Variants in RASSF4 observed in about 807,000 individuals in gnomAD.
The protein encoded by RASSF4 is ras association domain-containing protein 4.
Under a neutral mutation model 41.1 loss-of-function variants are expected in RASSF4, and 38 were observed. The ratio of observed to expected loss-of-function variants is 0.92; its 90% CI spans 0.71 to 1.21. The LOEUF (loss-of-function observed/expected upper bound fraction) is 1.21. Among genes scored for constraint, RASSF4 ranks in the 50% most tolerant of loss-of-function variants. RASSF4 has a pLI of 0.00. For missense variants in RASSF4, 414 were observed against 419.4 expected, an observed-to-expected ratio of 0.99 and a Z score of 0.11; for synonymous variants, 179 against 163.4, an observed-to-expected ratio of 1.10 and a Z score of -0.73.
chr10:44,990,016 G>A (rs1406719511), intron 8 of RASSF4, among the ~76,000 whole-genome samples: 1 of 152,200 alleles, frequency 6.6e-6, no homozygotes, highest in Non-Finnish European at 1.5e-5. Context: ...AATTCTTTCA[G>A]GATTCTGAAG....
chr10:44,988,727 G>A (rs1326784531), intron 6 of RASSF4, among the ~76,000 whole-genome samples: 3 of 152,236 alleles, frequency 2.0e-5, no homozygotes, highest in Non-Finnish European at 4.4e-5. Context: ...GAGACTGTAT[G>A]GATGCAGCTG....
intron 7 of RASSF4, 121 bp downstream of exon 7, chr10:44,989,496 G>A: frequency 3.2e-6 from 3 of 938,168 alleles, no homozygotes; most frequent in Non-Finnish European, 5.1e-6. Context: ...TCTAGCAAGG[G>A]TCCCTCTGCT....
intron 3 of RASSF4, chr10:44,977,226 A>C: frequency 1.2e-6 from 1 of 805,210 alleles, no homozygotes; most frequent in Non-Finnish European, 1.9e-6. Flanking sequence ...ACAGGCTGTT[A>C]TCATATTCAG....
chr10:44,975,830 C>G (rs3740097), intron 3 of RASSF4, among the ~76,000 whole-genome samples: 76,720 of 151,216 alleles, frequency 0.51, 21,851 homozygotes, highest in Non-Finnish European at 0.64. Flanking sequence ...TCTCCTCAAA[C>G]TGCCAGACCT....
In RASSF4 at chr10:44,984,712, C is replaced by A. The variant is rs374948086; in HGVS notation, c.374-101C>A. On this transcript the variant is annotated intron_variant, in intron 5 of 10. Transcript: ENST00000340258. ...CCTCACGTCCCCATCTGCCCCAGTG[C>A]ACGTGACCACAGGGCTCTAGGGTGC... is the stretch of plus-strand genomic sequence containing the variant. 7.6e-6 allele frequency: 10 copies of A among 1,316,816 alleles called. No individual in the cohort carries two copies. In the African/African-American group the frequency reaches 1.2e-4, roughly 15 times the overall value. 81.6% of individuals were successfully genotyped at this position (1,316,816 alleles called of 1,614,324 possible). A position where few individuals can be genotyped will look rare whatever the true frequency, so the allele number is the denominator to read the frequency against.
chr10:44,975,673 G>C (rs531354121), intron 3 of RASSF4, among the ~76,000 whole-genome samples: 108 of 149,130 alleles, frequency 7.2e-4, no homozygotes, highest in African/African-American at 2.6e-3. Context: ...GAAGGGAAAG[G>C]AATTCCCCTG....
intron 3 of RASSF4, 124 bp downstream of exon 3, chr10:44,971,972 A>G (rs1423918894): frequency 1.1e-5 from 7 of 657,932 alleles, no homozygotes; most frequent in Non-Finnish European, 1.6e-5. Flanking sequence ...TAGTTTGGAC[A>G]ATAAGTTATA....
At chr10:44,982,131 G>A (rs1588833346) in intron 3 of RASSF4, 12 of 276,372 alleles carry the variant, frequency 4.3e-5, no homozygotes, top group South Asian at 4.0e-4. Context: ...ACCTGGTGGC[G>A]CAGGACCCCC....
chr10:44,990,745 T>C, intron 8 of RASSF4: 1 of 480,572 alleles, frequency 2.1e-6, no homozygotes, highest in East Asian at 3.1e-5. Flanking sequence ...ACTTAATCCT[T>C]ATGCCAAAGT....
intron 1 of RASSF4, among the ~76,000 whole-genome samples, chr10:44,961,385 T>C (rs1840703446): frequency 6.6e-6 from 1 of 152,122 alleles, no homozygotes; most frequent in Admixed American, 6.6e-5. Flanking sequence ...TGAACGAAAC[T>C]TGGGTGTGTG....
At chr10:44,988,408 T>C (rs1461427238) in intron 6 of RASSF4, among the ~76,000 whole-genome samples, 1 of 152,232 alleles carries the variant, frequency 6.6e-6, no homozygotes, top group African/African-American at 2.4e-5. Flanking sequence ...ATTTCATATA[T>C]GGTGTCTCTT....
chr10:44,976,527 C>G (rs1472256832), intron 3 of RASSF4: 2 of 152,592 alleles, frequency 1.3e-5, no homozygotes, highest in Non-Finnish European at 2.9e-5. Context: ...GATTCCCGTT[C>G]CCTGATGCCT....
intron 6 of RASSF4, among the ~76,000 whole-genome samples, chr10:44,985,277 T>C (rs1236808863): frequency 6.6e-6 from 1 of 152,122 alleles, no homozygotes; most frequent in African/African-American, 2.4e-5. Flanking sequence ...CCGAACTCGA[T>C]TGGTTGATCC....
At chr10:44,968,994 T>TTGTGTATG (rs1292339005) in intron 1 of RASSF4, among the ~76,000 whole-genome samples, 1 of 150,378 alleles carries the variant, frequency 6.6e-6, no homozygotes, top group East Asian at 1.9e-4. Context: ...TTGTGAGTGT[T>TTGTGTATG]TGTGTATGTG....
chr10:44,982,954 C>A, intron 4 of RASSF4: 1 of 662,808 alleles, frequency 1.5e-6, no homozygotes, highest in Non-Finnish European at 2.9e-6. Flanking sequence ...GGGGGGCTCC[C>A]AACACCTATG....
Position 44,971,754 on chromosome 10 carries a change from T to G in RASSF4, c.63-19T>G, listed in dbSNP as rs1190626314. 1.7e-5 allele frequency: 27 copies of G among 1,604,376 alleles called. No individual in the cohort carries two copies. Among genetic ancestry groups the G allele is most frequent in the Non-Finnish European group, 2.2e-5 (26 of 1,171,314 alleles). On this transcript the variant is annotated intron_variant, in intron 2 of 10. Transcript: ENST00000340258. ...CCCTGCCACACCCTAGGAGTACATGTGTGTCTTTCCCTTTTTAGGTCGGAG... is the reference window on the plus strand; with the variant it reads ...CCCTGCCACACCCTAGGAGTACATGGGTGTCTTTCCCTTTTTAGGTCGGAG...
At chr10:44,967,832 G>A (rs759000131) in intron 1 of RASSF4, among the ~76,000 whole-genome samples, 1 of 152,174 alleles carries the variant, frequency 6.6e-6, no homozygotes, top group Non-Finnish European at 1.5e-5. Context: ...GGGTTCTGCA[G>A]GGCCCAGTGG....
chr10:44,971,622 C>T, intron 2 of RASSF4, 151 bp from the exon 3 acceptor site: 2 of 743,224 alleles, frequency 2.7e-6, no homozygotes, highest in South Asian at 2.8e-5. Flanking sequence ...ATTGCGATGG[C>T]AGTCTGGTCT....
At chr10:44,992,084 G>T in intron 10 of RASSF4, 82 bp downstream of exon 10, 3 of 877,024 alleles carry the variant, frequency 3.4e-6, no homozygotes, top group Non-Finnish European at 5.5e-6. Flanking sequence ...CCGGCTGGGA[G>T]GTCTCTCTCC....
Sources: gnomAD v4.1 joint callset for allele counts (sites outside exome capture counted in the v4.1 genomes callset) on GRCh38, gnomAD v4.1.1 for gene constraint, MANE v1.5 for transcripts, NCBI Gene and HGNC (gene_info 2026-07-23, HGNC 2026-07-21) for gene names.